Variants in PDE7B observed in about 807,000 individuals in gnomAD.
PDE7B encodes the protein 3',5'-cyclic-AMP phosphodiesterase 7B.
Under a neutral mutation model 56.2 loss-of-function variants are expected in PDE7B, and 29 were observed. The observed-to-expected ratio is 0.52, with a 90% confidence interval of 0.38 to 0.70. The LOEUF is 0.70. Among genes scored for constraint, PDE7B ranks in the 30% least tolerant of loss-of-function variants. The pLI is 0.00. For missense variants in PDE7B, 490 were observed against 565.0 expected (o/e 0.87, Z 1.35); for synonymous variants, 197 against 196.9 (o/e 1.00, Z 0.00).
intron 1 of PDE7B, among the ~76,000 whole-genome samples, chr6:135,897,621 C>A (rs1775925673): frequency 6.6e-6 from 1 of 151,998 alleles, no homozygotes; most frequent in African/African-American, 2.4e-5. Flanking sequence ...TAAGGCTAGA[C>A]AATTAAGAAT....
intron 2 of PDE7B, among the ~76,000 whole-genome samples, chr6:135,995,865 TAA>T (rs1775555880): frequency 6.6e-6 from 1 of 152,042 alleles, no homozygotes; most frequent in African/African-American, 2.4e-5. Context: ...AACATAAACA[TAA>T]AGAGGTTTTT....
chr6:135,990,103 T>C (rs1186629535), intron 2 of PDE7B, among the ~76,000 whole-genome samples: 1 of 150,836 alleles, frequency 6.6e-6, no homozygotes, highest in African/African-American at 2.4e-5. Context: ...TTTTTGTTTT[T>C]TTTTTTTTTT....
At chr6:135,871,696 G>A (rs1176661167) in intron 1 of PDE7B, among the ~76,000 whole-genome samples, 1 of 152,124 alleles carries the variant, frequency 6.6e-6, no homozygotes. Flanking sequence ...GTCACTAACT[G>A]TTCCGTGCCT....
In PDE7B at chr6:136,030,996, T is replaced by C. The variant is rs116121456; in HGVS notation, c.83-77735T>C. Among the ~76,000 whole-genome samples the C allele has an allele frequency of 3.5e-3, 535 of 152,324 alleles. 2 individuals are homozygous for C. Among genetic ancestry groups the C allele is most frequent in the African/African-American group, 0.012 (500 of 41,582 alleles). ...TTAACCCATAAGGGGAAAAAAAGAA[T>C]AAAAGAAAATTAACAAGCTATGGTT... On this transcript the variant is annotated intron_variant, in intron 2 of 12. Coordinates refer to ENST00000308191, the MANE Select transcript of PDE7B (RefSeq NM_018945.4).
chr6:136,079,726 CAAAAAAAAAA>C lies in PDE7B; in HGVS notation c.83-28994_83-28985del, dbSNP rs35447604. ...AGACCAGCCATTTGGATTAGGAAGACAAAAAAAAAAAAAAAAAAAAGACTTTCCCACTGTT... is the reference window on the plus strand; with the variant it reads ...AGACCAGCCATTTGGATTAGGAAGACAAAAAAAAAAGACTTTCCCACTGTT... On this transcript the variant is annotated intron_variant, in intron 2 of 12. Coordinates refer to ENST00000308191, the MANE Select transcript of PDE7B (RefSeq NM_018945.4). Among the ~76,000 whole-genome samples the C allele has an allele frequency of 1.8e-4, 17 of 94,412 alleles. No individual in the cohort carries two copies. In the East Asian group the frequency reaches 6.0e-3, roughly 33 times the overall value. 61.9% of individuals were successfully genotyped at this position (94,412 alleles called of 152,430 possible). A position where few individuals can be genotyped will look rare whatever the true frequency, so the allele number is the denominator to read the frequency against.
chr6:136,147,589 C>T, intron 4 of PDE7B, 87 bp downstream of exon 4: 1 of 1,128,348 alleles, frequency 8.9e-7, no homozygotes, highest in Non-Finnish European at 1.3e-6. Context: ...GAGTCCTACT[C>T]TGCCTCTGAG....
intron 1 of PDE7B, among the ~76,000 whole-genome samples, chr6:135,868,033 T>C (rs1444536744): frequency 1.3e-5 from 2 of 152,352 alleles, no homozygotes; most frequent in East Asian, 3.9e-4. Context: ...AAAAAATTTA[T>C]AAGTCTGATA....
At chr6:135,900,202 G>A (rs559709913) in intron 1 of PDE7B, among the ~76,000 whole-genome samples, 71 of 151,864 alleles carry the variant, frequency 4.7e-4, no homozygotes, top group African/African-American at 1.5e-3. Flanking sequence ...TTAATATCTC[G>A]GGGGCACAGT....
intron 1 of PDE7B, among the ~76,000 whole-genome samples, chr6:135,859,924 G>GA (rs368100637): frequency 1.5e-4 from 22 of 150,338 alleles, no homozygotes; most frequent in African/African-American, 1.5e-4. Context: ...GGAAAAGCAG[G>GA]AAAAAAAAAT....
chr6:135,976,361 A>G lies in PDE7B; in HGVS notation c.82+28837A>G, dbSNP rs1052166190. ...TCATCACAATAAGTTCTCAGCCCCC[A>G]TAAAGGCCCTCAAGGGTCAATTGTA... is the stretch of plus-strand genomic sequence containing the variant. On this transcript the variant is annotated intron_variant, in intron 2 of 12. Transcript: ENST00000308191. Among the ~76,000 whole-genome samples the G allele has an allele frequency of 2.6e-5, 4 of 152,108 alleles. No individual in the cohort carries two copies. In the East Asian group the frequency reaches 5.8e-4, roughly 22 times the overall value.
At chr6:136,031,479 C>T (rs1776244653) in intron 2 of PDE7B, among the ~76,000 whole-genome samples, 1 of 152,152 alleles carries the variant, frequency 6.6e-6, no homozygotes, top group South Asian at 2.1e-4. Flanking sequence ...GTGGCTCACG[C>T]CTGTAATCCC....
At chr6:136,056,479 C>CCTTCA (rs1428876988) in intron 2 of PDE7B, among the ~76,000 whole-genome samples, 2 of 142,410 alleles carry the variant, frequency 1.4e-5, no homozygotes, top group Non-Finnish European at 3.0e-5. Flanking sequence ...TTTCAGTAAG[C>CCTTCA]CTTCAATTCT....
intron 1 of PDE7B, among the ~76,000 whole-genome samples, chr6:135,888,916 T>C (rs1204468831): frequency 6.6e-6 from 1 of 152,162 alleles, no homozygotes; most frequent in Non-Finnish European, 1.5e-5. Context: ...AGAAATACTA[T>C]AAATACATCT....
At chr6:136,009,174 G>A (rs1306249091) in intron 2 of PDE7B, among the ~76,000 whole-genome samples, 2 of 151,884 alleles carry the variant, frequency 1.3e-5, no homozygotes, top group African/African-American at 4.8e-5. Context: ...TGAGGGCTCT[G>A]TTCTGTTCCA....
At chr6:135,998,588 C>G (rs1453231110) in intron 2 of PDE7B, among the ~76,000 whole-genome samples, 1 of 151,874 alleles carries the variant, frequency 6.6e-6, no homozygotes, top group Non-Finnish European at 1.5e-5. Context: ...AACCCTGTCT[C>G]TACTAAAAAT....
chr6:136,100,492 C>T (rs1371580865), intron 2 of PDE7B, among the ~76,000 whole-genome samples: 1 of 152,098 alleles, frequency 6.6e-6, no homozygotes, highest in African/African-American at 2.4e-5. Context: ...CCTTCACATC[C>T]CTTGTAAGTT....
rs555198407 is a variant in PDE7B at position 136,060,565 on chromosome 6, G to A, written c.83-48166G>A. 1.6e-4 allele frequency among the ~76,000 whole-genome samples: 24 copies of A among 152,222 alleles called. No homozygotes were observed. The East Asian group carries it at 3.7e-3, about 23-fold the overall frequency. On this transcript the variant is annotated intron_variant, in intron 2 of 12. Coordinates refer to ENST00000308191, the MANE Select transcript of PDE7B (RefSeq NM_018945.4). The stretch of plus-strand genomic sequence containing the variant: ...ATAACTTTCATGAGACAGCAATTTA[G>A]GATGTACAAAAATCATTTATTTAGA...
At chr6:135,909,357 A>G (rs1776171020) in intron 1 of PDE7B, among the ~76,000 whole-genome samples, 1 of 152,042 alleles carries the variant, frequency 6.6e-6, no homozygotes, top group Non-Finnish European at 1.5e-5. Context: ...TATTCTTCCT[A>G]TAATCCCAGC....
intron 6 of PDE7B, among the ~76,000 whole-genome samples, chr6:136,153,238 T>C (rs766192479): frequency 6.6e-6 from 1 of 152,292 alleles, no homozygotes; most frequent in East Asian, 1.9e-4. Context: ...CCAGAAAATA[T>C]ATAAAGAATA....
Sources: allele counts gnomAD v4.1 joint callset (sites outside exome capture counted in the v4.1 genomes callset), GRCh38; gene constraint gnomAD v4.1.1; transcripts MANE v1.5; gene names NCBI Gene and HGNC (gene_info 2026-07-23, HGNC 2026-07-21).